Variants in DNAH2 observed in about 807,000 individuals in gnomAD.
DNAH2 encodes the protein dynein axonemal heavy chain 2.
A neutral mutation model predicts 523.5 loss-of-function variants in DNAH2; 323 were observed. The ratio of observed to expected loss-of-function variants is 0.62; its 90% confidence interval spans 0.56 to 0.68. The LOEUF is 0.68. DNAH2 is among the 30% of genes least tolerant of loss of function. The pLI, the probability that DNAH2 is intolerant of heterozygous loss-of-function variation, is 0.00. For missense variants in DNAH2, 4,907 were observed against 5,701.5 expected (o/e 0.86, Z 4.49); for synonymous variants, 2,093 against 2,177.4 (o/e 0.96, Z 1.08).
chr17:7,741,228 T>TTCTCTC (rs370136085), intron 11 of DNAH2, among the ~76,000 whole-genome samples: 12 of 141,082 alleles, frequency 8.5e-5, no homozygotes, highest in African/African-American at 2.6e-5. Context: ...TTTCTTTTTT[T>TTCTCTC]TCTCTCTCTC....
rs2077150373 is a variant in DNAH2 at position 7,799,091 on chromosome 17, G to A, written c.8560-12G>A. 2.5e-6 allele frequency: 4 copies of A among 1,613,602 alleles called. No homozygotes were observed. Among genetic ancestry groups the A allele is most frequent in the Non-Finnish European group, 3.4e-6 (4 of 1,179,710 alleles). On this transcript the variant is annotated splice_polypyrimidine_tract_variant and intron_variant, in intron 55 of 85. Coordinates refer to ENST00000572933, the MANE Select transcript of DNAH2 (RefSeq NM_020877.5). ...CACGCCAGCCCTCTGACCCTGGGTGGCTTCTGTCCAGATCCAGTCGCATAT... is the reference window on the plus strand; with the variant it reads ...CACGCCAGCCCTCTGACCCTGGGTGACTTCTGTCCAGATCCAGTCGCATAT...
At chr17:7,755,809 T>TC (rs1448990514) in intron 12 of DNAH2, among the ~76,000 whole-genome samples, 1 of 84,818 alleles carries the variant, frequency 1.2e-5, no homozygotes, top group Non-Finnish European at 3.5e-5. Context: ...CTGGTATCTC[T>TC]TTTTTTTTTT....
intron 10 of DNAH2, 56 bp downstream of exon 10, chr17:7,740,605 C>G: frequency 6.3e-7 from 1 of 1,599,398 alleles, no homozygotes. Context: ...TCCTGGAGTC[C>G]CTCCTTCCGG....
intron 59 of DNAH2, among the ~76,000 whole-genome samples, chr17:7,804,723 G>C (rs1416784399): frequency 2.6e-5 from 4 of 152,098 alleles, no homozygotes. Flanking sequence ...GCGGGTGCCT[G>C]TAATCCCAGC....
In DNAH2 at chr17:7,831,439, A is replaced by T; in HGVS notation, c.12509A>T (p.Asp4170Val). Residue 4170 changes from aspartate (D) to valine (V), a missense_variant, in exon 81 of 86, where the codon GAC (aspartate) becomes GTC (valine). Physicochemically the swap from Asp to Val is radical, Grantham distance 152 (BLOSUM62 -3). Coordinates refer to ENST00000572933, the MANE Select transcript of DNAH2 (RefSeq NM_020877.5). This position sits in a 1 kb window ranked among gnomAD's most constrained non-coding sequence, Gnocchi z 4.2. ...DVKQKIPEMI[D>V]YEGTQKLLAL... ...AAGCAGAAGATCCCTGAAATGATCG[A>T]CTATGAGGGGACTCAAAAACTGCTA... The T allele has an allele frequency of 6.2e-7, 1 of 1,614,120 alleles. No individual in the cohort carries two copies. The highest frequency in any genetic ancestry group is 1.3e-5 in the African/African-American group (1 of 75,022).
At position 7,780,310 on chromosome 17, in the gene DNAH2, G is replaced by C; in HGVS notation, c.5850+26G>C. 6.2e-7 allele frequency: 1 copy of C among 1,613,628 alleles called. No individual in the cohort carries two copies. The highest frequency in any genetic ancestry group is 8.5e-7 in the Non-Finnish European group (1 of 1,179,916). On this transcript the variant is annotated intron_variant, in intron 37 of 85. Coordinates refer to ENST00000572933, the MANE Select transcript of DNAH2 (RefSeq NM_020877.5). The surrounding 1 kb of genome is among the most constrained non-coding windows in gnomAD (Gnocchi z 4.4). The stretch of plus-strand genomic sequence containing the variant: ...GTACTCCAATAACCCCTTTTCTCCA[G>C]TGATTTTAATTTCCTTTCATAATTA...
Position 7,801,974 on chromosome 17 carries a change from G to A in DNAH2, c.8929G>A (p.Val2977Ile), listed in dbSNP as rs1454683434. The change falls in exon 58 of 86, where the codon GTC becomes ATC. Residue 2977 changes from valine (V) to isoleucine (I), a missense_variant. Physicochemically the swap from Val to Ile is conservative, Grantham distance 29 (BLOSUM62 3). Coordinates refer to ENST00000572933, the MANE Select transcript of DNAH2 (RefSeq NM_020877.5). ...GTTGGAACTGCGGAGACACAACTAT[G>A]TCACACCCACCAAATACCTGGAACT... ...MLLELRRHNY[V>I]TPTKYLELLS... is the part of the protein sequence containing the mutation. The A allele has an allele frequency of 6.2e-7, 1 of 1,614,082 alleles. No homozygotes were observed. Among genetic ancestry groups the A allele is most frequent in the African/African-American group, 1.3e-5 (1 of 74,928 alleles).
Position 7,801,682 on chromosome 17 carries a change from T to A in DNAH2, c.8804T>A (p.Ile2935Lys), listed in dbSNP as rs778522942. The change falls in exon 57 of 86, where the codon ATA (isoleucine) becomes AAA (lysine). Residue 2935 changes from isoleucine to lysine, a missense_variant. By Grantham distance (102) the Ile-to-Lys change is moderately radical. Coordinates refer to ENST00000572933, the MANE Select transcript of DNAH2 (RefSeq NM_020877.5). ...CTCGAGGTGGCTGAGAAGTGCCTCA[T>A]AGGAGTAGACCTGGGAACTCAGGAG... ...ALLEVAEKCL[I>K]GVDLGTQENI... 1.2e-6 allele frequency: 2 copies of A among 1,614,144 alleles called. No homozygotes were observed. Among genetic ancestry groups the A allele is most frequent in the South Asian group, 1.1e-5 (1 of 91,086 alleles).
intron 73 of DNAH2, 71 bp from the exon 74 acceptor site, chr17:7,823,371 G>GAGAGAGA: frequency 7.0e-7 from 1 of 1,438,222 alleles, no homozygotes; most frequent in Non-Finnish European, 9.6e-7. Flanking sequence ...GAGAGAGAGA[G>GAGAGAGA]GAGAAAAAGA....
At chr17:7,755,665 C>T (rs1414997366) in intron 12 of DNAH2, among the ~76,000 whole-genome samples, 3 of 151,872 alleles carry the variant, frequency 2.0e-5, no homozygotes, top group African/African-American at 4.8e-5. Flanking sequence ...TTTTCTCAGA[C>T]GTGGAGCGGT....
intron 49 of DNAH2, among the ~76,000 whole-genome samples, chr17:7,795,612 T>G (rs2077038771): frequency 6.6e-6 from 1 of 150,786 alleles, no homozygotes; most frequent in Non-Finnish European, 1.5e-5. Flanking sequence ...AGGTCGAGCC[T>G]GCAGTGAACC....
At chr17:7,753,418 T>C (rs889998655) in intron 12 of DNAH2, among the ~76,000 whole-genome samples, 1 of 152,082 alleles carries the variant, frequency 6.6e-6, no homozygotes, top group African/African-American at 2.4e-5. Flanking sequence ...GTGGAAGAGA[T>C]GACCAAGGGG....
chr17:7,735,442 TTTTCA>T (rs1315573313), intron 7 of DNAH2, among the ~76,000 whole-genome samples: 2 of 151,990 alleles, frequency 1.3e-5, no homozygotes, highest in African/African-American at 4.8e-5. Context: ...TTTTCTTTTC[TTTTCA>T]TTTCTTTTTT....
chr17:7,725,197 C>G (rs916821621), intron 3 of DNAH2, among the ~76,000 whole-genome samples: 3 of 151,580 alleles, frequency 2.0e-5, no homozygotes, highest in Admixed American at 2.0e-4. Flanking sequence ...TCAAGTGATT[C>G]TCATGTCTCG....
At chr17:7,747,667 T>C (rs1488119022) in intron 12 of DNAH2, among the ~76,000 whole-genome samples, 3 of 152,208 alleles carry the variant, frequency 2.0e-5, no homozygotes, top group Admixed American at 2.0e-4. Flanking sequence ...CAAATATTTA[T>C]GGCTTGGGTT....
Position 7,773,243 on chromosome 17 carries a change from C to T in DNAH2, c.4502-1516C>T, listed in dbSNP as rs77999854. Among the ~76,000 whole-genome samples the T allele has an allele frequency of 1.5e-4, 23 of 152,274 alleles. No individual in the cohort carries two copies. In the East Asian group the frequency reaches 3.9e-3, roughly 26 times the overall value. On this transcript the variant is annotated intron_variant, in intron 28 of 85. Coordinates refer to ENST00000572933, the MANE Select transcript of DNAH2 (RefSeq NM_020877.5). The stretch of plus-strand genomic sequence containing the variant: ...TATGACATGAAGGACATTGGCAACC[C>T]CAGTCCTTGCAGATTTCTTTCACTG...
intron 4 of DNAH2, among the ~76,000 whole-genome samples, chr17:7,732,261 C>T (rs1055370638): frequency 6.6e-6 from 1 of 151,160 alleles, no homozygotes; most frequent in Admixed American, 6.6e-5. Context: ...CTGGTGAAAC[C>T]CCGTCTCTAC....
At position 7,778,310 on chromosome 17, in the gene DNAH2, C is replaced by T. The variant is rs1440764152; in HGVS notation, c.5382C>T (p.His1794=). ...RCYMTLTTAL[H]LHRGGSPKGP... is the part of the protein sequence containing the mutation. ...ACATGACACTGACCACGGCATTGCA[C>T]CTGCACCGAGGGGGCTCCCCCAAAG... The change falls in exon 35 of 86, where the codon CAC becomes CAT. Residue 1794 remains histidine (H), a synonymous_variant. Transcript: ENST00000572933. 2.5e-6 allele frequency: 4 copies of T among 1,614,096 alleles called. No individual in the cohort carries two copies. The highest frequency in any genetic ancestry group is 3.4e-6 in the Non-Finnish European group (4 of 1,180,048).
intron 44 of DNAH2, among the ~76,000 whole-genome samples, chr17:7,789,705 T>C (rs1180119873): frequency 1.3e-5 from 2 of 151,734 alleles, no homozygotes; most frequent in Non-Finnish European, 2.9e-5. Context: ...GCCTCCTGAG[T>C]AGCTGGGACT....
Sources: gnomAD v4.1 joint callset for allele counts (sites outside exome capture counted in the v4.1 genomes callset) on GRCh38, gnomAD v4.1.1 for gene constraint, Gnocchi (gnomAD v3.1) non-coding constraint, MANE v1.5 for transcripts, NCBI Gene and HGNC (gene_info 2026-07-23, HGNC 2026-07-21) for gene names.